The following TOM1L2 variants were observed in gnomAD, a reference collection of about 807,000 sequenced individuals.
TOM1L2 encodes target of myb1 like 2 membrane trafficking protein.
A neutral mutation model predicts 67.9 loss-of-function variants in TOM1L2; 31 were observed. That is an observed-to-expected ratio of 0.46 (90% CI 0.34 to 0.62). The LOEUF is 0.62. TOM1L2 is among the 20% of genes least tolerant of loss of function. TOM1L2 has a pLI of 0.01. For missense variants in TOM1L2, 606 were observed against 663.5 expected (o/e 0.91, Z 0.95); for synonymous variants, 256 against 254.0 (o/e 1.01, Z -0.07).
intron 8 of TOM1L2, among the ~76,000 whole-genome samples, chr17:17,867,600 TGG>T (rs1240756358): frequency 6.6e-6 from 1 of 151,964 alleles, no homozygotes; most frequent in South Asian, 2.1e-4. Flanking sequence ...TGTGTTGGGG[TGG>T]GGCAGAATAG....
At chr17:17,857,287 C>T (rs773863712) in intron 12 of TOM1L2, among the ~76,000 whole-genome samples, 5 of 152,176 alleles carry the variant, frequency 3.3e-5, no homozygotes, top group African/African-American at 9.7e-5. Context: ...ATCATTTTGA[C>T]GGACTTAGTG....
At chr17:17,920,036 G>C (rs1337218004) in intron 1 of TOM1L2, among the ~76,000 whole-genome samples, 1 of 152,052 alleles carries the variant, frequency 6.6e-6, no homozygotes, top group African/African-American at 2.4e-5. Context: ...GGGTCACAGA[G>C]GCAAAGAAGA....
intron 12 of TOM1L2, chr17:17,851,231 T>C (rs1555578909): frequency 2.1e-6 from 1 of 467,560 alleles, no homozygotes; most frequent in East Asian, 4.0e-5. Flanking sequence ...AATGGAGAAC[T>C]TTTTGACTAT....
chr17:17,894,223 C>G (rs910426048), intron 3 of TOM1L2, among the ~76,000 whole-genome samples: 2 of 152,330 alleles, frequency 1.3e-5, no homozygotes, highest in Middle Eastern at 3.4e-3. Context: ...GCTGCTATGA[C>G]AGCTTGAATT....
rs749448921 is a variant in TOM1L2 at position 17,850,888 on chromosome 17, C to T, written c.1338+5G>A. ...CACAGATGAAATAGAAAAGTCGAGT[C>T]TCACCAGGTCGGTCCTGAGCCACAC... On this transcript the variant is annotated splice_donor_5th_base_variant and intron_variant, in intron 13 of 14. Coordinates refer to ENST00000379504, the MANE Select transcript of TOM1L2 (RefSeq NM_001082968.2). The T allele has an allele frequency of 6.2e-7, 1 of 1,614,062 alleles. No homozygotes were observed. The highest frequency in any genetic ancestry group is 8.5e-7 in the Non-Finnish European group (1 of 1,179,994).
chr17:17,958,503 G>A (rs1293675733), intron 1 of TOM1L2, among the ~76,000 whole-genome samples: 1 of 152,196 alleles, frequency 6.6e-6, no homozygotes, highest in Non-Finnish European at 1.5e-5. Context: ...TCATGAGGCT[G>A]AGTTGAAAAT....
intron 1 of TOM1L2, 68 bp downstream of exon 1, chr17:17,972,194 C>A: frequency 2.6e-6 from 4 of 1,535,236 alleles, no homozygotes; most frequent in Non-Finnish European, 3.5e-6. Context: ...CCGGCGGAGG[C>A]CCGCGGTCCT....
intron 7 of TOM1L2, among the ~76,000 whole-genome samples, chr17:17,878,979 G>A (rs191370195): frequency 6.6e-6 from 1 of 152,302 alleles, no homozygotes; most frequent in East Asian, 1.9e-4. Flanking sequence ...ACTGCAGGCC[G>A]CCCACTCCTG....
intron 12 of TOM1L2, chr17:17,858,196 A>T (rs8066353): frequency 0.031 from 5,973 of 192,434 alleles, 404 homozygotes; most frequent in African/African-American, 0.13. Context: ...AGCTTTTACA[A>T]AAGCAATTCT....
intron 4 of TOM1L2, among the ~76,000 whole-genome samples, chr17:17,890,820 T>A (rs1305369672): frequency 6.6e-6 from 1 of 152,196 alleles, no homozygotes; most frequent in Non-Finnish European, 1.5e-5. Flanking sequence ...TATACACTTT[T>A]ATGTGTGATT....
At chr17:17,930,419 A>T (rs1465224555) in intron 1 of TOM1L2, among the ~76,000 whole-genome samples, 1 of 152,202 alleles carries the variant, frequency 6.6e-6, no homozygotes, top group Non-Finnish European at 1.5e-5. Flanking sequence ...AGGCACAAGG[A>T]GGACTGCAGA....
intron 1 of TOM1L2, among the ~76,000 whole-genome samples, chr17:17,931,407 T>A (rs1198281283): frequency 6.6e-6 from 1 of 152,226 alleles, no homozygotes; most frequent in Non-Finnish European, 1.5e-5. Flanking sequence ...ATTCAGCTGC[T>A]TATATGCTGT....
At chr17:17,881,581 C>G (rs1194540255) in intron 6 of TOM1L2, among the ~76,000 whole-genome samples, 1 of 152,228 alleles carries the variant, frequency 6.6e-6, no homozygotes, top group Admixed American at 6.5e-5. Flanking sequence ...CCTTCTTTCC[C>G]ACAGCACTTG....
chr17:17,902,690 G>T (rs780668460), intron 2 of TOM1L2, among the ~76,000 whole-genome samples: 30 of 152,228 alleles, frequency 2.0e-4, no homozygotes, highest in Non-Finnish European at 3.8e-4. Flanking sequence ...AATCCACCAA[G>T]ATAGTCACCA....
At chr17:17,856,793 A>C (rs1476109375) in intron 12 of TOM1L2, among the ~76,000 whole-genome samples, 1 of 152,118 alleles carries the variant, frequency 6.6e-6, no homozygotes, top group Non-Finnish European at 1.5e-5. Flanking sequence ...AGATGAGCTG[A>C]CCCTCTCTCC....
At chr17:17,886,321 A>T (rs1468800426) in intron 4 of TOM1L2, among the ~76,000 whole-genome samples, 2 of 152,248 alleles carry the variant, frequency 1.3e-5, no homozygotes, top group Non-Finnish European at 2.9e-5. Flanking sequence ...TCAGGGATTT[A>T]AAACTACTGG....
intron 1 of TOM1L2, among the ~76,000 whole-genome samples, chr17:17,951,907 A>G (rs2041221397): frequency 2.0e-5 from 3 of 152,236 alleles, no homozygotes; most frequent in Admixed American, 2.0e-4. Flanking sequence ...CAAGGCAAAC[A>G]GTCACTCGGG....
At chr17:17,853,932 C>T (rs1260052626) in intron 12 of TOM1L2, among the ~76,000 whole-genome samples, 1 of 152,202 alleles carries the variant, frequency 6.6e-6, no homozygotes, top group East Asian at 1.9e-4. Flanking sequence ...GACTCAGAAA[C>T]CTTAACTTTC....
At position 17,882,809 on chromosome 17, in the gene TOM1L2, T is replaced by A. The variant is rs1352648192; in HGVS notation, c.556A>T (p.Arg186Trp). Reference sequence around the variant, plus strand: ...GAGGAATAGGAACCAGCACTTGTCCTCTGCTGTGATTGGGACCTGGGCATG... The same window carrying A: ...GAGGAATAGGAACCAGCACTTGTCCACTGCTGTGATTGGGACCTGGGCATG... Reference protein sequence around the residue: ...ATMPRSQSQQRTSAGSYSSPP... With the variant: ...ATMPRSQSQQWTSAGSYSSPP... Residue 186 changes from arginine (R) to tryptophan (W), a missense_variant, in exon 6 of 15, where the codon AGG (arginine) becomes TGG (tryptophan). Arg to Trp is a moderately radical substitution (Grantham distance 101). This residue lies in a region of TOM1L2 where 543 missense variants were observed against 554.0 expected (regional missense o/e 0.98). Coordinates refer to ENST00000379504, the MANE Select transcript of TOM1L2 (RefSeq NM_001082968.2). 2 of 1,614,216 alleles carry A rather than the reference T, an allele frequency of 1.2e-6. No homozygotes were observed. The highest frequency in any genetic ancestry group is 1.7e-6 in the Non-Finnish European group (2 of 1,180,030).
Sources: gnomAD v4.1 joint callset for allele counts (sites outside exome capture counted in the v4.1 genomes callset) on GRCh38, gnomAD v4.1.1 for gene constraint, gnomAD v4.1.1 regional missense constraint, MANE v1.5 for transcripts, NCBI Gene and HGNC (gene_info 2026-07-23, HGNC 2026-07-21) for gene names.